The following BCL2 variants were observed in gnomAD, a reference collection of about 807,000 sequenced individuals.
BCL2 encodes BCL2 apoptosis regulator.
In BCL2, 1 loss-of-function variant was observed where a neutral mutation model predicts 14.2. The ratio of observed to expected loss-of-function variants is 0.07; its 90% CI spans 0.02 to 0.33. The LOEUF is 0.33. Among genes scored for constraint, BCL2 ranks in the 10% least tolerant of loss-of-function variants. BCL2 has a pLI of 0.99. For missense variants in BCL2, 247 were observed against 305.9 expected, an observed-to-expected ratio of 0.81 and a Z score of 1.44; for synonymous variants, 151 against 137.2, an observed-to-expected ratio of 1.10 and a Z score of -0.70.
intron 2 of BCL2, among the ~76,000 whole-genome samples, chr18:63,136,355 A>G (rs552478066): frequency 6.6e-6 from 1 of 152,178 alleles, no homozygotes; most frequent in East Asian, 1.9e-4. Context: ...CCCTCCATCA[A>G]GCCTCCCTCT....
At chr18:63,151,876 T>C (rs569557361) in intron 2 of BCL2, among the ~76,000 whole-genome samples, 2 of 152,328 alleles carry the variant, frequency 1.3e-5, no homozygotes, top group African/African-American at 4.8e-5. Flanking sequence ...ACTGAACCCT[T>C]GGATAAATGA....
chr18:63,293,059 G>T (rs1317652236), intron 2 of BCL2, among the ~76,000 whole-genome samples: 8 of 152,186 alleles, frequency 5.3e-5, no homozygotes, highest in African/African-American at 1.9e-4. Flanking sequence ...CATGCAACGT[G>T]CAAGATGTGC....
intron 2 of BCL2, among the ~76,000 whole-genome samples, chr18:63,166,844 T>C (rs192756257): frequency 1.0e-3 from 157 of 152,368 alleles, no homozygotes; most frequent in Admixed American, 2.5e-3. Context: ...ATCATATTGG[T>C]TGACTGATGT....
intron 2 of BCL2, chr18:63,317,532 T>A (rs1453051901): frequency 1.5e-5 from 15 of 984,278 alleles, no homozygotes; most frequent in Non-Finnish European, 1.8e-5. Flanking sequence ...AGACTTACAT[T>A]GGTTTTCCTC....
At position 63,183,200 on chromosome 18, in the gene BCL2, T is replaced by G. The variant is rs537188241; in HGVS notation, c.586-54441A>C. 3.1e-3 allele frequency among the ~76,000 whole-genome samples: 476 copies of G among 152,224 alleles called. 4 individuals carry two copies. The highest frequency in any genetic ancestry group is 0.011 in the African/African-American group (456 of 41,526). On this transcript the variant is annotated intron_variant, in intron 2 of 2. Coordinates refer to ENST00000333681, the MANE Select transcript of BCL2 (RefSeq NM_000633.3). ...AGCGTGCAGAAGGGGTAACAGCAAC[T>G]CATGGAGGGCAAGCCACCAGAGAGG...
chr18:63,203,628 G>A (rs762476340), intron 2 of BCL2, among the ~76,000 whole-genome samples: 5 of 152,158 alleles, frequency 3.3e-5, no homozygotes, highest in Non-Finnish European at 7.4e-5. Flanking sequence ...TTACTTGTTA[G>A]TTGGGGCAAG....
chr18:63,272,620 A>G (rs1431762517), intron 2 of BCL2, among the ~76,000 whole-genome samples: 1 of 152,222 alleles, frequency 6.6e-6, no homozygotes, highest in Non-Finnish European at 1.5e-5. Flanking sequence ...TATCAACAAC[A>G]ACATTTAAGG....
chr18:63,280,667 AAAAACCAG>A (rs1912285953), intron 2 of BCL2, among the ~76,000 whole-genome samples: 1 of 152,248 alleles, frequency 6.6e-6, no homozygotes, highest in Non-Finnish European at 1.5e-5. Context: ...GGCCATCTTG[AAAAACCAG>A]AAAATAAGAA....
intron 2 of BCL2, among the ~76,000 whole-genome samples, chr18:63,280,643 A>T (rs564652415): frequency 6.6e-6 from 1 of 152,376 alleles, no homozygotes; most frequent in East Asian, 1.9e-4. Flanking sequence ...TAACCACTTC[A>T]CACTCATGAA....
At chr18:63,196,089 C>T (rs960144171) in intron 2 of BCL2, among the ~76,000 whole-genome samples, 2 of 152,148 alleles carry the variant, frequency 1.3e-5, no homozygotes, top group African/African-American at 2.4e-5. Flanking sequence ...GGCTATTTGT[C>T]GAAGTGTCTT....
At chr18:63,154,206 C>T (rs1914719250) in intron 2 of BCL2, among the ~76,000 whole-genome samples, 1 of 152,168 alleles carries the variant, frequency 6.6e-6, no homozygotes, top group Non-Finnish European at 1.5e-5. Context: ...TTCCTATGGA[C>T]ACACCATCAC....
intron 2 of BCL2, among the ~76,000 whole-genome samples, chr18:63,150,860 G>C (rs1046865505): frequency 6.6e-6 from 1 of 151,970 alleles, no homozygotes; most frequent in African/African-American, 2.4e-5. Flanking sequence ...GGGTGAGAAG[G>C]GGTATTAGGT....
At chr18:63,162,786 C>T (rs1914952886) in intron 2 of BCL2, among the ~76,000 whole-genome samples, 1 of 152,090 alleles carries the variant, frequency 6.6e-6, no homozygotes, top group South Asian at 2.1e-4. Context: ...CCCTCCCAAA[C>T]CCCCAAACTC....
At position 63,127,804 on chromosome 18, in the gene BCL2, G is replaced by A. The variant is rs1463080003; in HGVS notation, c.*821C>T. On this transcript the variant is annotated 3_prime_UTR_variant, in exon 3 of 3. Coordinates refer to ENST00000333681, the MANE Select transcript of BCL2 (RefSeq NM_000633.3). ...CAGAGCCAGTATTGGGAGTTGGGGGGTGCGTATCCAAAATATATGAATATA... is the reference window on the plus strand; with the variant it reads ...CAGAGCCAGTATTGGGAGTTGGGGGATGCGTATCCAAAATATATGAATATA... 4.4e-5 allele frequency: 10 copies of A among 225,700 alleles called. No homozygotes were observed. Among genetic ancestry groups the A allele is most frequent in the Admixed American group, 3.4e-4 (6 of 17,466 alleles). 14.0% of individuals were successfully genotyped at this position (225,700 alleles called of 1,614,324 possible).
intron 2 of BCL2, chr18:63,302,560 T>A (rs1912995993): frequency 5.1e-6 from 5 of 985,252 alleles, no homozygotes; most frequent in Non-Finnish European, 6.0e-6. Flanking sequence ...TGAAATTTTT[T>A]AATATGTGCT....
In BCL2 at chr18:63,318,825, G is replaced by T; in HGVS notation, c.-159C>A. The T allele has an allele frequency of 7.0e-7, 1 of 1,421,784 alleles. No individual in the cohort carries two copies. Among genetic ancestry groups the T allele is most frequent in the Non-Finnish European group, 9.2e-7 (1 of 1,086,178 alleles). The allele number at this position is 1,421,784 out of a possible 1,614,324, so 88.1% of individuals were successfully genotyped here. On this transcript the variant is annotated 5_prime_UTR_variant, in exon 2 of 3. Coordinates refer to ENST00000333681, the MANE Select transcript of BCL2 (RefSeq NM_000633.3). The surrounding 1 kb of genome is among the most constrained non-coding windows in gnomAD (Gnocchi z 7.4). Reference sequence around the variant, plus strand: ...GTGTCTTCAATCACGCGGAACACTTGATTCTGGTGTTTCCCCCTTGGCATG... The same window carrying T: ...GTGTCTTCAATCACGCGGAACACTTTATTCTGGTGTTTCCCCCTTGGCATG...
intron 2 of BCL2, among the ~76,000 whole-genome samples, chr18:63,257,775 G>T (rs991523095): frequency 1.3e-5 from 2 of 152,202 alleles, no homozygotes; most frequent in African/African-American, 4.8e-5. Flanking sequence ...AGGTTTCCAA[G>T]AATTTGTTTG....
chr18:63,180,966 G>A (rs919254388), intron 2 of BCL2, among the ~76,000 whole-genome samples: 1 of 152,200 alleles, frequency 6.6e-6, no homozygotes, highest in African/African-American at 2.4e-5. Flanking sequence ...GATTCATTGT[G>A]ATCCAAGGGG....
intron 2 of BCL2, among the ~76,000 whole-genome samples, chr18:63,259,266 C>A (rs1200619216): frequency 1.3e-5 from 2 of 152,258 alleles, no homozygotes; most frequent in African/African-American, 4.8e-5. Context: ...AAGGCACCAG[C>A]CCCCATCACA....
Sources: allele counts gnomAD v4.1 joint callset (sites outside exome capture counted in the v4.1 genomes callset), GRCh38; gene constraint gnomAD v4.1.1; non-coding constraint Gnocchi (gnomAD v3.1); transcripts MANE v1.5; gene names NCBI Gene and HGNC (gene_info 2026-07-23, HGNC 2026-07-21).